Variants in MAPK10 observed in about 807,000 individuals in gnomAD.
The protein encoded by MAPK10 is mitogen-activated protein kinase 10.
A neutral mutation model predicts 59.3 loss-of-function variants in MAPK10; 25 were observed. The observed-to-expected ratio is 0.42, with a 90% CI of 0.31 to 0.59. MAPK10 has a LOEUF of 0.59. Among genes scored for constraint, MAPK10 ranks in the 20% least tolerant of loss-of-function variants. MAPK10 has a pLI of 0.15. For missense variants in MAPK10, 351 were observed against 568.9 expected (o/e 0.62, Z 3.90); for synonymous variants, 190 against 200.5 (o/e 0.95, Z 0.44).
intron 1 of MAPK10, among the ~76,000 whole-genome samples, chr4:86,372,385 T>C (rs1738903706): frequency 6.6e-6 from 1 of 151,658 alleles, no homozygotes; most frequent in Non-Finnish European, 1.5e-5. Flanking sequence ...GGCGTGGTGG[T>C]GTGTGCCTGT....
intron 9 of MAPK10, among the ~76,000 whole-genome samples, chr4:86,075,454 G>A (rs1240464700): frequency 6.6e-6 from 1 of 152,134 alleles, no homozygotes; most frequent in Non-Finnish European, 1.5e-5. Flanking sequence ...TGTTCCTTTG[G>A]AGGAGGAGAG....
intron 5 of MAPK10, chr4:86,106,972 G>A: frequency 4.4e-6 from 1 of 227,984 alleles, no homozygotes; most frequent in Non-Finnish European, 8.4e-6. Context: ...AACCAAATAT[G>A]GTAAATTTTC....
At chr4:86,079,477 AT>A (rs2050191845) in intron 9 of MAPK10, 1 of 152,080 alleles carries the variant, frequency 6.6e-6, no homozygotes, top group Non-Finnish European at 1.5e-5. Context: ...TGGTAATTTT[AT>A]TTTTTGTAAA....
intron 11 of MAPK10, among the ~76,000 whole-genome samples, chr4:86,059,469 T>A (rs2045296301): frequency 6.6e-6 from 1 of 152,174 alleles, no homozygotes; most frequent in Admixed American, 6.5e-5. Context: ...TCATGTTTCT[T>A]AAGTGTTTAT....
intron 1 of MAPK10, among the ~76,000 whole-genome samples, chr4:86,439,131 A>G (rs1749123402): frequency 6.6e-6 from 1 of 151,744 alleles, no homozygotes; most frequent in Admixed American, 6.6e-5. Context: ...TAATTTACCT[A>G]TGGTAAAATT....
chr4:86,224,937 A>G (rs974778918), intron 2 of MAPK10, among the ~76,000 whole-genome samples: 2 of 152,230 alleles, frequency 1.3e-5, no homozygotes, highest in African/African-American at 4.8e-5. Flanking sequence ...TTTTGCAGTA[A>G]TCTAAAATTT....
intron 1 of MAPK10, among the ~76,000 whole-genome samples, chr4:86,481,735 G>A (rs1753628879): frequency 6.6e-6 from 1 of 152,138 alleles, no homozygotes; most frequent in Non-Finnish European, 1.5e-5. Context: ...CTAGAAACAG[G>A]TGCCTAAGAA....
At chr4:86,437,284 C>T (rs1345671949) in intron 1 of MAPK10, among the ~76,000 whole-genome samples, 4 of 151,160 alleles carry the variant, frequency 2.6e-5, no homozygotes, top group African/African-American at 9.7e-5. Flanking sequence ...ACTAAGGAAG[C>T]TCTCTTCTCT....
At chr4:86,426,192 T>A (rs1158068403) in intron 1 of MAPK10, among the ~76,000 whole-genome samples, 1 of 152,260 alleles carries the variant, frequency 6.6e-6, no homozygotes, top group Non-Finnish European at 1.5e-5. Flanking sequence ...GCAAATGTAA[T>A]GTTTACTGAA....
At chr4:86,473,828 C>A (rs1752849779) in intron 1 of MAPK10, among the ~76,000 whole-genome samples, 1 of 152,086 alleles carries the variant, frequency 6.6e-6, no homozygotes, top group Non-Finnish European at 1.5e-5. Flanking sequence ...GAGGTGATTC[C>A]AGCAGCCAGC....
chr4:86,136,446 G>C lies in MAPK10; in HGVS notation c.236+22852C>G, dbSNP rs1267060209. On this transcript the variant is annotated intron_variant, in intron 4 of 13. Coordinates refer to ENST00000641462, the MANE Select transcript of MAPK10 (RefSeq NM_138982.4). The stretch of plus-strand genomic sequence containing the variant: ...TATCCAGCCAAACTAAGCTTCATAA[G>C]TGAAGGAGAAATAAAATACTTTACA... Among the ~76,000 whole-genome samples, 7 of 151,692 alleles carry C rather than the reference G, an allele frequency of 4.6e-5. No homozygotes were observed. In the East Asian group the frequency reaches 1.4e-3, roughly 29 times the overall value.
At chr4:86,484,573 A>G (rs1396320766) in intron 1 of MAPK10, among the ~76,000 whole-genome samples, 1 of 152,200 alleles carries the variant, frequency 6.6e-6, no homozygotes, top group East Asian at 1.9e-4. Context: ...ATCCACCCAA[A>G]GATAAATGAG....
intron 9 of MAPK10, among the ~76,000 whole-genome samples, chr4:86,068,248 T>G (rs1446670819): frequency 6.6e-6 from 1 of 152,182 alleles, no homozygotes; most frequent in Non-Finnish European, 1.5e-5. Context: ...TAACACAAGA[T>G]GAATCTCATA....
At chr4:86,050,436 C>T (rs1348606489) in intron 11 of MAPK10, among the ~76,000 whole-genome samples, 1 of 152,078 alleles carries the variant, frequency 6.6e-6, no homozygotes, top group Non-Finnish European at 1.5e-5. Flanking sequence ...GACTTTGAGT[C>T]CATGTCCTCT....
intron 2 of MAPK10, among the ~76,000 whole-genome samples, chr4:86,331,153 G>C (rs1228955114): frequency 6.6e-6 from 1 of 152,130 alleles, no homozygotes; most frequent in Non-Finnish European, 1.5e-5. Context: ...GAAGTATGAG[G>C]ACAGGGAGAA....
intron 2 of MAPK10, among the ~76,000 whole-genome samples, chr4:86,331,569 G>A (rs2148915019): frequency 6.6e-6 from 1 of 152,224 alleles, no homozygotes; most frequent in Admixed American, 6.5e-5. Context: ...CTAAGCTTAG[G>A]ATGTGAGCAG....
At chr4:86,206,441 A>C (rs2083998178) in intron 2 of MAPK10, among the ~76,000 whole-genome samples, 1 of 151,896 alleles carries the variant, frequency 6.6e-6, no homozygotes, top group South Asian at 2.1e-4. Context: ...AATCCAGTCT[A>C]TCATTGTTGG....
In MAPK10 at chr4:86,448,830, A is replaced by G. The variant is rs145051533; in HGVS notation, c.-122+4200T>C. 5.3e-3 allele frequency among the ~76,000 whole-genome samples: 804 copies of G among 152,294 alleles called. 10 individuals carry two copies. The highest frequency in any genetic ancestry group is 0.018 in the African/African-American group (744 of 41,548). On this transcript the variant is annotated intron_variant, in intron 1 of 13. Transcript: ENST00000361569. ...GAATTACACAACTCACCATAATGTA[A>G]TATCAGTGGAAGCCCTGAGCTTGTT...
chr4:86,282,103 T>G (rs1270845144), intron 2 of MAPK10, among the ~76,000 whole-genome samples: 1 of 152,184 alleles, frequency 6.6e-6, no homozygotes, highest in Non-Finnish European at 1.5e-5. Context: ...AGAAATTTAT[T>G]GGCCTTTCAA....
Sources: gnomAD v4.1 joint callset for allele counts (sites outside exome capture counted in the v4.1 genomes callset) on GRCh38, gnomAD v4.1.1 for gene constraint, MANE v1.5 for transcripts, NCBI Gene and HGNC (gene_info 2026-07-23, HGNC 2026-07-21) for gene names.